CNTNAP2: variants seen among roughly 807,000 people sequenced by gnomAD.
CNTNAP2 encodes contactin associated protein 2.
In CNTNAP2, 98 loss-of-function variants were observed where a neutral mutation model predicts 155.2. The observed-to-expected ratio is 0.63, with a 90% CI of 0.54 to 0.75. The LOEUF is 0.75. Ranked by LOEUF, CNTNAP2 falls within the 30% of genes least tolerant of loss-of-function variation. The probability of loss-of-function intolerance (pLI) is 0.00; values close to 1 mark genes in which losing one functional copy is unlikely to be tolerated. For synonymous variants in CNTNAP2, 651 were observed against 631.2 expected, an observed-to-expected ratio of 1.03 and a Z score of -0.47; for missense variants, 1,727 against 1,688.1, an observed-to-expected ratio of 1.02 and a Z score of -0.40.
chr7:147,473,718 T>C (rs140516851), intron 10 of CNTNAP2, among the ~76,000 whole-genome samples: 5 of 152,264 alleles, frequency 3.3e-5, no homozygotes, highest in African/African-American at 1.2e-4. Context: ...CCTATGTAGA[T>C]AGATAGATAT....
chr7:147,345,220 A>G (rs908529687), intron 9 of CNTNAP2, among the ~76,000 whole-genome samples: 51 of 152,304 alleles, frequency 3.3e-4, no homozygotes, highest in African/African-American at 1.2e-3. Flanking sequence ...AGTGGGTGGC[A>G]TGTTAAACCC....
intron 20 of CNTNAP2, among the ~76,000 whole-genome samples, chr7:148,243,956 T>C (rs1451334101): frequency 6.6e-6 from 1 of 152,156 alleles, no homozygotes; most frequent in Non-Finnish European, 1.5e-5. Context: ...TGTGTATATA[T>C]AGGTGCTAGG....
At chr7:146,690,669 G>T (rs924396138) in intron 1 of CNTNAP2, among the ~76,000 whole-genome samples, 4 of 152,156 alleles carry the variant, frequency 2.6e-5, no homozygotes, top group Admixed American at 2.6e-4. Context: ...ATGGTTCACA[G>T]ACAATTCTAT....
intron 1 of CNTNAP2, among the ~76,000 whole-genome samples, chr7:146,134,264 T>A: frequency 1.3e-5 from 2 of 148,652 alleles, no homozygotes; most frequent in Non-Finnish European, 3.0e-5. Flanking sequence ...TGATTTTGTA[T>A]CCTGAGACTT....
intron 16 of CNTNAP2, among the ~76,000 whole-genome samples, chr7:148,130,902 T>G (rs1240476980): frequency 2.0e-5 from 3 of 152,146 alleles, no homozygotes; most frequent in Non-Finnish European, 4.4e-5. Context: ...GACAATTCAT[T>G]AGGTGCATTG....
rs141936209 is a variant in CNTNAP2 at position 146,877,411 on chromosome 7, T to G, written c.402+37507T>G. On this transcript the variant is annotated intron_variant, in intron 3 of 23. Coordinates refer to ENST00000361727, the MANE Select transcript of CNTNAP2 (RefSeq NM_014141.6). ...TCTTATCTGCTGGAGTGGCTAAACC[T>G]GGAAGATGGGTTGAGCCCACAAATT... 5.3e-5 allele frequency among the ~76,000 whole-genome samples: 8 copies of G among 151,984 alleles called. No homozygotes were observed. The East Asian group carries it at 1.6e-3, about 30-fold the overall frequency.
chr7:147,010,899 C>A (rs564218161), intron 3 of CNTNAP2, among the ~76,000 whole-genome samples: 43 of 152,082 alleles, frequency 2.8e-4, no homozygotes, highest in African/African-American at 1.0e-3. Flanking sequence ...CCAAATAATT[C>A]TTAATTGTAA....
chr7:146,838,510 G>A (rs1267304382), intron 2 of CNTNAP2, among the ~76,000 whole-genome samples: 1 of 152,038 alleles, frequency 6.6e-6, no homozygotes, highest in African/African-American at 2.4e-5. Flanking sequence ...AGGAAATGGG[G>A]TTTCAGCATG....
chr7:146,606,447 G>T (rs1412190276), intron 1 of CNTNAP2, among the ~76,000 whole-genome samples: 7 of 152,132 alleles, frequency 4.6e-5, no homozygotes, highest in African/African-American at 1.7e-4. Context: ...ATTGTACAAT[G>T]TCAACTTCTA....
At chr7:148,251,883 A>T (rs1796368784) in intron 20 of CNTNAP2, among the ~76,000 whole-genome samples, 1 of 152,196 alleles carries the variant, frequency 6.6e-6, no homozygotes, top group Non-Finnish European at 1.5e-5. Flanking sequence ...CATTCTGCAG[A>T]AGTTCCCAGC....
At chr7:146,655,356 G>A (rs1472846756) in intron 1 of CNTNAP2, among the ~76,000 whole-genome samples, 1 of 140,302 alleles carries the variant, frequency 7.1e-6, no homozygotes, top group African/African-American at 2.7e-5. Flanking sequence ...AGAGGTTGCA[G>A]TGAGTCGCGA....
At chr7:147,742,021 G>T (rs939858982) in intron 13 of CNTNAP2, among the ~76,000 whole-genome samples, 16 of 152,172 alleles carry the variant, frequency 1.1e-4, no homozygotes, top group Admixed American at 1.0e-3. Flanking sequence ...TACATGGATG[G>T]TGCAGGCAAA....
intron 3 of CNTNAP2, among the ~76,000 whole-genome samples, chr7:146,906,321 G>T (rs10257101): frequency 0.04 from 6,032 of 152,210 alleles, 134 homozygotes; most frequent in South Asian, 0.073. Flanking sequence ...AGGCCTGGCT[G>T]CCTCTGTAGG....
intron 13 of CNTNAP2, among the ~76,000 whole-genome samples, chr7:147,811,437 A>T (rs1428489935): frequency 6.6e-6 from 1 of 152,088 alleles, no homozygotes; most frequent in African/African-American, 2.4e-5. Flanking sequence ...TCACAGTGTC[A>T]CCAAATCATG....
At chr7:147,528,429 G>C (rs1340702343) in intron 11 of CNTNAP2, among the ~76,000 whole-genome samples, 1 of 152,110 alleles carries the variant, frequency 6.6e-6, no homozygotes, top group African/African-American at 2.4e-5. Context: ...AGGCTGCAGA[G>C]CATGAACAGA....
intron 12 of CNTNAP2, among the ~76,000 whole-genome samples, chr7:147,637,667 G>A (rs1795203531): frequency 6.6e-6 from 1 of 152,032 alleles, no homozygotes. Context: ...TATTTAATAT[G>A]TTCCTCTCTC....
At chr7:146,771,954 G>A (rs1286915162) in intron 1 of CNTNAP2, among the ~76,000 whole-genome samples, 1 of 152,112 alleles carries the variant, frequency 6.6e-6, no homozygotes, top group East Asian at 1.9e-4. Flanking sequence ...ATTAAGTGTT[G>A]TGGCATGTTA....
intron 13 of CNTNAP2, among the ~76,000 whole-genome samples, chr7:147,671,114 G>A (rs746316408): frequency 2.0e-5 from 3 of 152,232 alleles, no homozygotes; most frequent in Admixed American, 6.5e-5. Context: ...ATCCGAGTGA[G>A]TGGAGCTGGC....
At chr7:146,401,504 T>C (rs1795713263) in intron 1 of CNTNAP2, among the ~76,000 whole-genome samples, 1 of 152,204 alleles carries the variant, frequency 6.6e-6, no homozygotes, top group Non-Finnish European at 1.5e-5. Context: ...ATTTATTTGA[T>C]ACCCCATCAA....
Sources: allele counts gnomAD v4.1 joint callset (sites outside exome capture counted in the v4.1 genomes callset), GRCh38; gene constraint gnomAD v4.1.1; transcripts MANE v1.5; gene names NCBI Gene and HGNC (gene_info 2026-07-23, HGNC 2026-07-21).